The following COL28A1 variants were observed in gnomAD, a reference collection of about 807,000 sequenced individuals.
COL28A1 encodes the protein collagen type XXVIII alpha 1 chain.
COL28A1 carries 161 observed loss-of-function variants against 150.2 expected under a neutral mutation model. The observed-to-expected ratio is 1.07, with a 90% CI of 0.94 to 1.22. The LOEUF (loss-of-function observed/expected upper bound fraction) is 1.22, where lower values mean the gene tolerates loss of function less well. Ranked by LOEUF, COL28A1 falls within the 50% of genes most tolerant of loss-of-function variation. The pLI, the probability that COL28A1 is intolerant of heterozygous loss-of-function variation, is 0.00. For synonymous variants in COL28A1, 552 were observed against 469.7 expected, an observed-to-expected ratio of 1.18 and a Z score of -2.26; for missense variants, 1,617 against 1,388.3, an observed-to-expected ratio of 1.16 and a Z score of -2.62.
At chr7:7,488,259 A>T (rs1481966655) in intron 13 of COL28A1, among the ~76,000 whole-genome samples, 1 of 152,236 alleles carries the variant, frequency 6.6e-6, no homozygotes, top group Admixed American at 6.5e-5. Context: ...CTAGATGATT[A>T]GTCCAGTGTA....
At chr7:7,444,847 C>G (rs953220779) in intron 18 of COL28A1, among the ~76,000 whole-genome samples, 4 of 152,078 alleles carry the variant, frequency 2.6e-5, no homozygotes, top group Non-Finnish European at 4.4e-5. Context: ...CTCTGTGTCC[C>G]CACCCAAATC....
chr7:7,383,401 CCT>C (rs1479263391), intron 27 of COL28A1, among the ~76,000 whole-genome samples: 23 of 151,636 alleles, frequency 1.5e-4, no homozygotes, highest in Non-Finnish European at 3.4e-4. Flanking sequence ...GCCTCAGCCT[CCT>C]GAGTAGCTGG....
chr7:7,479,732 A>G (rs1410840353), intron 13 of COL28A1, among the ~76,000 whole-genome samples: 1 of 152,234 alleles, frequency 6.6e-6, no homozygotes, highest in Admixed American at 6.5e-5. Context: ...ACTAGGAAAG[A>G]TGACTTCTCA....
At chr7:7,446,321 G>T (rs1295197929) in intron 18 of COL28A1, among the ~76,000 whole-genome samples, 1 of 152,010 alleles carries the variant, frequency 6.6e-6, no homozygotes, top group Non-Finnish European at 1.5e-5. Context: ...TAGAAAATTG[G>T]TGATAATTTT....
At chr7:7,483,039 C>G (rs1779432499) in intron 13 of COL28A1, among the ~76,000 whole-genome samples, 1 of 152,096 alleles carries the variant, frequency 6.6e-6, no homozygotes, top group South Asian at 2.1e-4. Context: ...TTCCCACAAA[C>G]TTAGACAGAC....
rs190160366 is a variant in COL28A1 at position 7,372,941 on chromosome 7, T to C, written c.2908+57A>G. 210 of 1,451,030 alleles carry C rather than the reference T, an allele frequency of 1.4e-4. 1 individual carries two copies. The highest frequency in any genetic ancestry group is 1.5e-4 in the Non-Finnish European group (160 of 1,056,704). 89.9% of individuals were successfully genotyped at this position (1,451,030 alleles called of 1,614,324 possible). On this transcript the variant is annotated intron_variant, in intron 32 of 34. Transcript: ENST00000399429. ...ATTTGGTCAGGACAAACCAGTGATATGGTACTTAGAGGAACAACATAAATG... is the reference window on the plus strand; with the variant it reads ...ATTTGGTCAGGACAAACCAGTGATACGGTACTTAGAGGAACAACATAAATG...
chr7:7,532,235 A>G (rs1351034894), intron 2 of COL28A1, among the ~76,000 whole-genome samples: 4 of 152,152 alleles, frequency 2.6e-5, no homozygotes. Context: ...AACACTGAGC[A>G]TAGTTGTCTA....
At chr7:7,496,551 CT>C (rs142031621) in intron 11 of COL28A1, among the ~76,000 whole-genome samples, 18,206 of 151,404 alleles carry the variant, frequency 0.12, 1,149 homozygotes, top group Middle Eastern at 0.22. Context: ...CACAATTAAT[CT>C]TTTTTTTTAG....
At chr7:7,346,297 C>T in the COL28A1 span, among the ~76,000 whole-genome samples, 1 of 151,814 alleles carries the variant, frequency 6.6e-6, no homozygotes, top group Non-Finnish European at 1.5e-5. Context: ...TTGTTTTCAG[C>T]ATAAGGATTT....
intron 13 of COL28A1, 122 bp from the exon 14 acceptor site, chr7:7,477,302 T>C: frequency 3.0e-6 from 2 of 662,566 alleles, no homozygotes; most frequent in Non-Finnish European, 5.4e-6. Flanking sequence ...CAAAAAAAAA[T>C]GGATAGTTGG....
intron 25 of COL28A1, 103 bp downstream of exon 25, chr7:7,432,370 C>T (rs760773280): frequency 9.4e-5 from 75 of 801,014 alleles, no homozygotes; most frequent in Non-Finnish European, 4.1e-5. Context: ...TTATTTCAGA[C>T]ACCTCTACTC....
chr7:7,437,559 T>A, intron 21 of COL28A1, 97 bp from the exon 22 acceptor site: 1 of 1,468,260 alleles, frequency 6.8e-7, no homozygotes, highest in South Asian at 1.5e-5. Flanking sequence ...GATTTTTAAA[T>A]TATGTTATGA....
the COL28A1 span, among the ~76,000 whole-genome samples, chr7:7,346,021 C>A: frequency 1.3e-5 from 2 of 152,074 alleles, no homozygotes; most frequent in East Asian, 3.9e-4. Flanking sequence ...CCCTATTAAA[C>A]TCCTCATTTC....
At chr7:7,479,547 T>C (rs1789223200) in intron 13 of COL28A1, among the ~76,000 whole-genome samples, 1 of 152,254 alleles carries the variant, frequency 6.6e-6, no homozygotes, top group African/African-American at 2.4e-5. Flanking sequence ...TACATGTGTT[T>C]CAATTTCTGT....
At chr7:7,347,394 T>C in the COL28A1 span, among the ~76,000 whole-genome samples, 1 of 152,140 alleles carries the variant, frequency 6.6e-6, no homozygotes, top group African/African-American at 2.4e-5. Context: ...TGGCTGTTCA[T>C]ATTTTATTGC....
At chr7:7,449,001 A>G (rs77469119) in intron 18 of COL28A1, among the ~76,000 whole-genome samples, 14,863 of 152,178 alleles carry the variant, frequency 0.098, 894 homozygotes, top group Middle Eastern at 0.21. Context: ...AGAAGGACAG[A>G]TGGTAACTTC....
intron 11 of COL28A1, among the ~76,000 whole-genome samples, chr7:7,495,831 T>C (rs1299910504): frequency 6.6e-6 from 1 of 152,192 alleles, no homozygotes; most frequent in African/African-American, 2.4e-5. Context: ...TGCAGAGCAA[T>C]TTTTTAATTT....
At chr7:7,447,799 C>A (rs1288370179) in intron 18 of COL28A1, among the ~76,000 whole-genome samples, 1 of 152,066 alleles carries the variant, frequency 6.6e-6, no homozygotes, top group South Asian at 2.1e-4. Context: ...AAATTAAACA[C>A]AGAGAGAAAA....
rs1011246366 is a variant in COL28A1, at chr7:7,502,962, G to A, written c.1026+3052C>T. Among the ~76,000 whole-genome samples the A allele has an allele frequency of 1.3e-4, 6 of 46,220 alleles. 1 individual carries two copies. Among genetic ancestry groups the A allele is most frequent in the Admixed American group, 4.9e-4 (3 of 6,094 alleles). The allele number at this position is 46,220 out of a possible 152,430, so 30.3% of individuals were successfully genotyped here. ...TCCGCCCGCCTCGGCCTCCCAAAGT[G>A]CTGGGATTACAGGCGTGATATTCCC... On this transcript the variant is annotated intron_variant, in intron 11 of 34. Coordinates refer to ENST00000399429, the MANE Select transcript of COL28A1 (RefSeq NM_001037763.3).
Sources: gnomAD v4.1 joint callset for allele counts (sites outside exome capture counted in the v4.1 genomes callset) on GRCh38, gnomAD v4.1.1 for gene constraint, MANE v1.5 for transcripts, NCBI Gene and HGNC (gene_info 2026-07-23, HGNC 2026-07-21) for gene names.